The following NME9 variants were observed in gnomAD, a reference collection of about 807,000 sequenced individuals.
NME9 encodes thioredoxin domain-containing protein 6.
In NME9, 48 loss-of-function variants were observed where a neutral mutation model predicts 44.4. The ratio of observed to expected loss-of-function variants is 1.08; its 90% CI spans 0.86 to 1.37. The LOEUF is 1.37. Ranked by LOEUF, NME9 falls within the 40% of genes most tolerant of loss-of-function variation. The pLI is 0.00. For synonymous variants in NME9, 139 were observed against 147.1 expected, an observed-to-expected ratio of 0.94 and a Z score of 0.40; for missense variants, 325 against 405.2, an observed-to-expected ratio of 0.80 and a Z score of 1.70.
intron 1 of NME9, among the ~76,000 whole-genome samples, chr3:138,325,417 T>G (rs999421238): frequency 2.0e-5 from 3 of 152,040 alleles, no homozygotes; most frequent in Non-Finnish European, 4.4e-5. Flanking sequence ...TTTTTGTTTT[T>G]TTTTGAGATG....
intron 10 of NME9, chr3:138,303,221 CA>C (rs2051966607): frequency 3.5e-6 from 1 of 286,660 alleles, no homozygotes; most frequent in South Asian, 7.2e-5. Context: ...ATGGTTTCCA[CA>C]GGGAAATGCA....
intron 8 of NME9, among the ~76,000 whole-genome samples, chr3:138,265,264 C>A (rs992345074): frequency 6.6e-6 from 1 of 151,814 alleles, no homozygotes; most frequent in African/African-American, 2.4e-5. Flanking sequence ...TTGTCCCCCC[C>A]AAAAAAGGTT....
chr3:138,284,895 TCCTTTA>T (rs2050260148), intron 8 of NME9, among the ~76,000 whole-genome samples: 1 of 152,186 alleles, frequency 6.6e-6, no homozygotes. Context: ...GCACCATAGT[TCCTTTA>T]CCTGTTTGCT....
intron 8 of NME9, among the ~76,000 whole-genome samples, chr3:138,305,335 G>T (rs2052168965): frequency 6.6e-6 from 1 of 152,216 alleles, no homozygotes; most frequent in South Asian, 2.1e-4. Context: ...ACATTTAAAA[G>T]ACCATATCTA....
At chr3:138,317,040 C>G (rs2053136647) in intron 4 of NME9, among the ~76,000 whole-genome samples, 1 of 152,142 alleles carries the variant, frequency 6.6e-6, no homozygotes, top group Non-Finnish European at 1.5e-5. Flanking sequence ...AGATTGTGGC[C>G]CATGTTTCCA....
intron 8 of NME9, chr3:138,264,272 T>C: frequency 1.6e-6 from 2 of 1,280,246 alleles, no homozygotes; most frequent in Middle Eastern, 1.9e-4. Flanking sequence ...TGAGCTGAGC[T>C]AGCTAACACT....
chr3:138,297,077 A>G (rs1577094028), downstream of NME9: 1 of 152,246 alleles, frequency 6.6e-6, no homozygotes, highest in East Asian at 1.9e-4. Flanking sequence ...AGCTGTATTC[A>G]GCAAATTTCA....
At chr3:138,316,111 C>T (rs1224995734) in intron 4 of NME9, among the ~76,000 whole-genome samples, 3 of 152,096 alleles carry the variant, frequency 2.0e-5, no homozygotes, top group South Asian at 2.1e-4. Context: ...GGATTACAGG[C>T]GTGAGCCACC....
chr3:138,300,914 C>A (rs186201745), downstream of NME9: 9 of 245,234 alleles, frequency 3.7e-5, no homozygotes, highest in Non-Finnish European at 5.2e-5. Context: ...ATATCTGCCT[C>A]GGCATCAGTG....
intron 8 of NME9, among the ~76,000 whole-genome samples, chr3:138,282,430 G>T (rs1421789999): frequency 6.6e-6 from 1 of 152,098 alleles, no homozygotes; most frequent in East Asian, 1.9e-4. Flanking sequence ...GGTGGATCAT[G>T]AGGTCAGGAG....
At chr3:138,323,811 CAG>C (rs1474368980) in intron 2 of NME9, among the ~76,000 whole-genome samples, 1 of 152,090 alleles carries the variant, frequency 6.6e-6, no homozygotes, top group Admixed American at 6.5e-5. Flanking sequence ...TAACAGAGCA[CAG>C]AGATATCTAC....
At chr3:138,292,236 T>C (rs1052167332) in intron 8 of NME9, among the ~76,000 whole-genome samples, 3 of 151,954 alleles carry the variant, frequency 2.0e-5, no homozygotes, top group South Asian at 2.1e-4. Flanking sequence ...GACAGGGTTT[T>C]ACCATGTTGG....
At chr3:138,274,477 G>A (rs761090218) in intron 8 of NME9, 1 of 1,611,748 alleles carries the variant, frequency 6.2e-7, no homozygotes. Context: ...AGTACTCATG[G>A]AAAGCAAATT....
chr3:138,272,183 C>T (rs2048864465), intron 8 of NME9, among the ~76,000 whole-genome samples: 1 of 152,178 alleles, frequency 6.6e-6, no homozygotes, highest in African/African-American at 2.4e-5. Flanking sequence ...ACAGCCCAGC[C>T]ATGCCAACAC....
Position 138,306,030 on chromosome 3 carries a change from G to A in NME9, c.610C>T (p.Leu204Phe). The A allele has an allele frequency of 6.2e-7, 1 of 1,613,414 alleles. No individual in the cohort carries two copies. The highest frequency in any genetic ancestry group is 8.5e-7 in the Non-Finnish European group (1 of 1,179,366). Residue 204 changes from leucine (L) to phenylalanine (F), a missense_variant, in exon 8 of 11, where the codon CTT (leucine) becomes TTT (phenylalanine). Transcript: ENST00000333911. ...ERTMTEAEVR[L>F]FYQHKAGEEA... ...TCTCCAGCTTTGTGTTGGTAGAAAA[G>A]TCGCACTTCTGCCTCTGTCATGGTT... is the stretch of plus-strand genomic sequence containing the variant.
chr3:138,314,072 G>A (rs1452684281), intron 6 of NME9, among the ~76,000 whole-genome samples: 2 of 152,066 alleles, frequency 1.3e-5, no homozygotes, highest in African/African-American at 4.8e-5. Context: ...GATATCCATA[G>A]CATAAAGAAA....
At chr3:138,280,124 A>G (rs1265363192) in intron 8 of NME9, among the ~76,000 whole-genome samples, 3 of 151,744 alleles carry the variant, frequency 2.0e-5, no homozygotes, top group Non-Finnish European at 4.4e-5. Context: ...GGCTGGGCTC[A>G]AACTCCTGAC....
At chr3:138,329,187 CTG>C (rs1469918797) in intron 1 of NME9, 114 bp downstream of exon 1, 3 of 900,198 alleles carry the variant, frequency 3.3e-6, no homozygotes, top group Non-Finnish European at 5.1e-6. Context: ...TTTGAGAACA[CTG>C]TCACGTACTG....
Position 138,273,060 on chromosome 3 carries a change from T to G in NME9, c.746-10474A>C, listed in dbSNP as rs748097277. Reference sequence around the variant, plus strand: ...ATTCCGGTTATTATCAGATTCAGATTTGAATGTGCTGATGAAGACATTGGG... The same window carrying G: ...ATTCCGGTTATTATCAGATTCAGATGTGAATGTGCTGATGAAGACATTGGG... On this transcript the variant is annotated intron_variant, in intron 8 of 8. Transcript: ENST00000317876. The G allele has an allele frequency of 1.7e-5, 27 of 1,613,418 alleles. No individual in the cohort carries two copies. The African/African-American group carries it at 2.8e-4, about 17-fold the overall frequency.
Sources: allele counts gnomAD v4.1 joint callset (sites outside exome capture counted in the v4.1 genomes callset), GRCh38; gene constraint gnomAD v4.1.1; transcripts MANE v1.5; gene names NCBI Gene and HGNC (gene_info 2026-07-23, HGNC 2026-07-21).